The following USH2A variants were observed in gnomAD, a reference collection of about 807,000 sequenced individuals.
The protein encoded by USH2A is Usher syndrome 2A (autosomal recessive, mild).
USH2A carries 443 observed loss-of-function variants against 538.9 expected under a neutral mutation model. That is an observed-to-expected ratio of 0.82 (90% CI 0.76 to 0.89). The LOEUF (loss-of-function observed/expected upper bound fraction) is 0.89. USH2A is among the 40% of genes least tolerant of loss of function. The pLI is 0.00. For missense variants in USH2A, 6,633 were observed against 6,324.8 expected (o/e 1.05, Z -1.65); for synonymous variants, 2,413 against 2,273.5 (o/e 1.06, Z -1.75).
chr1:216,095,834 C>T (rs17026081), intron 22 of USH2A, among the ~76,000 whole-genome samples: 26,749 of 152,140 alleles, frequency 0.18, 2,637 homozygotes, highest in African/African-American at 0.24. Context: ...GTTCATGAGG[C>T]TGAGATCCTC....
intron 11 of USH2A, among the ~76,000 whole-genome samples, chr1:216,258,985 A>G (rs2036311406): frequency 6.6e-6 from 1 of 152,112 alleles, no homozygotes; most frequent in Non-Finnish European, 1.5e-5. Flanking sequence ...CTCAACCCAA[A>G]TAACATAGAG....
At chr1:215,925,782 T>C (rs1666224118) in intron 38 of USH2A, among the ~76,000 whole-genome samples, 1 of 152,188 alleles carries the variant, frequency 6.6e-6, no homozygotes, top group African/African-American at 2.4e-5. Flanking sequence ...AATGTTTCTA[T>C]TTATATATTT....
intron 42 of USH2A, 119 bp downstream of exon 42, chr1:215,878,645 G>T: frequency 1.1e-6 from 1 of 949,654 alleles, no homozygotes; most frequent in Non-Finnish European, 1.6e-6. Context: ...ATGAGTCAGG[G>T]GATATTCAAT....
At chr1:216,210,211 C>A (rs2035209743) in intron 15 of USH2A, among the ~76,000 whole-genome samples, 1 of 151,644 alleles carries the variant, frequency 6.6e-6, no homozygotes, top group Non-Finnish European at 1.5e-5. Context: ...GTGTTGAAGG[C>A]CAAAAGAATG....
At chr1:216,253,866 T>C (rs2036210068) in intron 11 of USH2A, among the ~76,000 whole-genome samples, 2 of 152,232 alleles carry the variant, frequency 1.3e-5, no homozygotes, top group Admixed American at 6.5e-5. Flanking sequence ...AGATTTTCAT[T>C]GGCACTCCAA....
intron 44 of USH2A, among the ~76,000 whole-genome samples, chr1:215,854,308 T>G (rs2102830298): frequency 6.6e-6 from 1 of 152,248 alleles, no homozygotes. Context: ...ATGATTCAAT[T>G]ATCTCCCACT....
chr1:216,315,734 A>G (rs2037495716), intron 9 of USH2A, among the ~76,000 whole-genome samples: 1 of 152,140 alleles, frequency 6.6e-6, no homozygotes, highest in Admixed American at 6.6e-5. Flanking sequence ...ATTATCTCAA[A>G]ATTAAAAGTT....
intron 38 of USH2A, among the ~76,000 whole-genome samples, chr1:215,912,384 GAGAT>G (rs1665807653): frequency 6.6e-6 from 1 of 151,074 alleles, no homozygotes; most frequent in African/African-American, 2.4e-5. Context: ...TACATGGTGA[GAGAT>G]AGGGGTCTAA....
At chr1:216,189,137 CAA>C (rs1040455473) in intron 20 of USH2A, among the ~76,000 whole-genome samples, 10 of 151,776 alleles carry the variant, frequency 6.6e-5, no homozygotes, top group African/African-American at 2.4e-4. Context: ...CATAAAAATA[CAA>C]AGTGTTCAGT....
chr1:216,079,194 G>A (rs2031850920), intron 26 of USH2A: 1 of 152,012 alleles, frequency 6.6e-6, no homozygotes, highest in Admixed American at 6.6e-5. Flanking sequence ...CTTCAGGAAG[G>A]ACCTCAGGTA....
Position 216,247,090 on chromosome 1 carries a change from G to T in USH2A, c.2304C>A (p.Cys768Ter), listed in dbSNP as rs886039449. Residue 768 changes from cysteine to a stop codon, truncating the protein, a stop_gained, in exon 13 of 72, where the codon TGC becomes TGA. Coordinates refer to ENST00000307340, the MANE Select transcript of USH2A (RefSeq NM_206933.4). LOFTEE classifies it high-confidence loss of function. Reference protein sequence around the residue: ...FCNPHSGQCECKKEAKGLQCD... With the variant: ...FCNPHSGQCE Reference sequence around the variant, plus strand: ...ACTGAAGTCCTTTGGCTTCTTTTTTGCACTCACACTGCCCAGAGTGAGGAT... The same window carrying T: ...ACTGAAGTCCTTTGGCTTCTTTTTTTCACTCACACTGCCCAGAGTGAGGAT... 6.2e-7 allele frequency: 1 copy of T among 1,613,872 alleles called. No homozygotes were observed. Among genetic ancestry groups the T allele is most frequent in the Non-Finnish European group, 8.5e-7 (1 of 1,179,944 alleles).
At chr1:215,808,017 T>A (rs147967587) in intron 49 of USH2A, among the ~76,000 whole-genome samples, 1,680 of 152,038 alleles carry the variant, frequency 0.011, 32 homozygotes, top group African/African-American at 0.038. Flanking sequence ...AACTAAGAGG[T>A]GAAAGAAATG....
intron 64 of USH2A, among the ~76,000 whole-genome samples, chr1:215,653,580 G>T (rs1657146588): frequency 6.6e-6 from 1 of 152,208 alleles, no homozygotes. Context: ...AAACTTGTAT[G>T]ATGAGGCAGT....
At chr1:215,895,039 G>T (rs767983425) in intron 40 of USH2A, among the ~76,000 whole-genome samples, 2 of 152,178 alleles carry the variant, frequency 1.3e-5, no homozygotes, top group Non-Finnish European at 2.9e-5. Flanking sequence ...GGACAACTCA[G>T]CTCTTTCACT....
chr1:216,139,877 C>T (rs181409358), intron 21 of USH2A, among the ~76,000 whole-genome samples: 5 of 152,264 alleles, frequency 3.3e-5, no homozygotes, highest in South Asian at 2.1e-4. Flanking sequence ...TTCTGACTTG[C>T]GACCCTTTAC....
chr1:215,900,758 A>C lies in USH2A; in HGVS notation c.7448T>G (p.Leu2483Arg), dbSNP rs371611777. 1.9e-6 allele frequency: 3 copies of C among 1,613,492 alleles called. No individual in the cohort carries two copies. Among genetic ancestry groups the C allele is most frequent in the African/African-American group, 2.7e-5 (2 of 74,890 alleles). ...MRSGDSTHGF[L>R]ELFSNPSASL... ...ATGGACAAAGTAGAATGCTCACTCT[A>C]GAAATCCATGGGTGGAGTCGCCAGA... The change falls in exon 39 of 72, where the codon CTA (leucine) becomes CGA (arginine). Residue 2483 changes from leucine to arginine, a missense_variant. Leu to Arg is a moderately radical substitution (Grantham distance 102). Transcript: ENST00000307340.
At chr1:216,013,323 C>A (rs868170037) in intron 32 of USH2A, among the ~76,000 whole-genome samples, 1 of 150,812 alleles carries the variant, frequency 6.6e-6, no homozygotes, top group Non-Finnish European at 1.5e-5. Flanking sequence ...GTTCCCACGC[C>A]GCCCCTAATC....
intron 55 of USH2A, among the ~76,000 whole-genome samples, chr1:215,777,397 G>A (rs1423431629): frequency 6.6e-6 from 1 of 152,176 alleles, no homozygotes; most frequent in African/African-American, 2.4e-5. Context: ...TCTAAAAAAT[G>A]CAAACCAATA....
At chr1:216,388,129 C>T (rs1311569045) in intron 3 of USH2A, among the ~76,000 whole-genome samples, 1 of 152,196 alleles carries the variant, frequency 6.6e-6, no homozygotes, top group Non-Finnish European at 1.5e-5. Flanking sequence ...GACTTCCATA[C>T]ATTTCACTTC....
Sources: allele counts gnomAD v4.1 joint callset (sites outside exome capture counted in the v4.1 genomes callset), GRCh38; gene constraint gnomAD v4.1.1; transcripts MANE v1.5; gene names NCBI Gene and HGNC (gene_info 2026-07-23, HGNC 2026-07-21).